The following DPYD variants were observed in gnomAD, a reference collection of about 807,000 sequenced individuals.
The protein encoded by DPYD is dihydropyrimidine dehydrogenase.
A neutral mutation model predicts 116.2 loss-of-function variants in DPYD; 109 were observed. That is an observed-to-expected ratio of 0.94 (90% CI 0.80 to 1.10). DPYD has a LOEUF of 1.10. Among genes scored for constraint, DPYD ranks in the 50% least tolerant of loss-of-function variants. The probability of loss-of-function intolerance (pLI) is 0.00; values close to 1 mark genes in which losing one functional copy is unlikely to be tolerated. For missense variants in DPYD, 1,302 were observed against 1,254.5 expected (o/e 1.04, Z -0.57); for synonymous variants, 440 against 432.0 (o/e 1.02, Z -0.23).
At chr1:97,656,807 A>G (rs1309801368) in intron 8 of DPYD, among the ~76,000 whole-genome samples, 2 of 150,634 alleles carry the variant, frequency 1.3e-5, no homozygotes, top group African/African-American at 5.0e-5. Context: ...CTCAATGCTT[A>G]GGAATTTTTT....
rs1467995953 is a variant in DPYD at position 97,740,073 on chromosome 1, GATCA to G, written c.321+315_321+318del. On this transcript the variant is annotated intron_variant, in intron 4 of 22. Transcript: ENST00000370192. ...TCACAAATCATAAATGTGTTTTGAT[GATCA>G]ATGACAGTTCTTGTCTATTAGTATT... Among the ~76,000 whole-genome samples, 10 of 152,190 alleles carry G rather than the reference GATCA, an allele frequency of 6.6e-5. No homozygotes were observed. In the South Asian group the frequency reaches 1.9e-3, roughly 28 times the overall value.
At chr1:97,448,679 A>G (rs1676227096) in intron 14 of DPYD, among the ~76,000 whole-genome samples, 1 of 151,112 alleles carries the variant, frequency 6.6e-6, no homozygotes, top group African/African-American at 2.4e-5. Context: ...GGGTCCTTTA[A>G]TAAACAAATA....
Position 97,399,455 on chromosome 1 carries a change from TTAAAG to T in DPYD, c.1906-16999_1906-16995del, listed in dbSNP as rs532651768. On this transcript the variant is annotated intron_variant, in intron 14 of 22. Coordinates refer to ENST00000370192, the MANE Select transcript of DPYD (RefSeq NM_000110.4). ...GCTCTTTTTTGGTTCCATATGAACT[TTAAAG>T]TAGTTTTTTTCCAATTCTGTGAAGA... 1.1e-3 allele frequency among the ~76,000 whole-genome samples: 170 copies of T among 152,290 alleles called. 2 individuals are homozygous for T. The East Asian group carries it at 0.031, about 28-fold the overall frequency.
chr1:97,335,581 A>G (rs76252209), intron 16 of DPYD, among the ~76,000 whole-genome samples: 9,737 of 152,184 alleles, frequency 0.064, 417 homozygotes, highest in African/African-American at 0.12. Flanking sequence ...ACAACTGAAT[A>G]CATAATCATC....
chr1:97,326,076 T>C (rs1356455314), intron 16 of DPYD, among the ~76,000 whole-genome samples: 3 of 151,794 alleles, frequency 2.0e-5, no homozygotes, highest in Non-Finnish European at 4.4e-5. Context: ...GTATGGCTAA[T>C]GTGAAACAAT....
intron 13 of DPYD, among the ~76,000 whole-genome samples, chr1:97,494,407 G>C (rs574782046): frequency 4.5e-4 from 69 of 152,142 alleles, no homozygotes; most frequent in Admixed American, 1.2e-3. Context: ...GAAAAGAGCT[G>C]ATAGCTGGTT....
intron 5 of DPYD, among the ~76,000 whole-genome samples, chr1:97,718,157 C>T (rs761457865): frequency 6.6e-5 from 10 of 152,002 alleles, no homozygotes; most frequent in Non-Finnish European, 1.0e-4. Context: ...AAATTATGAT[C>T]GTTCTTGCAG....
chr1:97,083,981 A>T (rs1281649793), intron 21 of DPYD, among the ~76,000 whole-genome samples: 4 of 152,042 alleles, frequency 2.6e-5, no homozygotes, highest in Non-Finnish European at 4.4e-5. Flanking sequence ...TGAATTTCTC[A>T]TTAATTTTAA....
intron 13 of DPYD, among the ~76,000 whole-genome samples, chr1:97,494,787 C>T (rs1374071258): frequency 6.6e-6 from 1 of 151,918 alleles, no homozygotes; most frequent in Non-Finnish European, 1.5e-5. Flanking sequence ...CATACGCACA[C>T]ACACACATAA....
At chr1:97,581,170 C>CAACAAAAAT (rs1653636973) in intron 10 of DPYD, among the ~76,000 whole-genome samples, 2 of 149,254 alleles carry the variant, frequency 1.3e-5, no homozygotes, top group African/African-American at 5.0e-5. Context: ...ACAACAACAA[C>CAACAAAAAT]AACAAAAATT....
chr1:97,400,360 A>T (rs900683830), intron 14 of DPYD, among the ~76,000 whole-genome samples: 11 of 152,100 alleles, frequency 7.2e-5, no homozygotes, highest in Non-Finnish European at 1.2e-4. Flanking sequence ...CCAGTATTTT[A>T]TTGAGGATTT....
At chr1:97,707,895 A>G (rs921988727) in intron 5 of DPYD, among the ~76,000 whole-genome samples, 4 of 152,064 alleles carry the variant, frequency 2.6e-5, no homozygotes, top group East Asian at 1.9e-4. Flanking sequence ...GACATTTTGC[A>G]TAACAGTTCT....
chr1:97,583,193 G>A (rs2485437), intron 10 of DPYD, among the ~76,000 whole-genome samples: 17,585 of 151,990 alleles, frequency 0.12, 1,123 homozygotes, highest in Middle Eastern at 0.14. Flanking sequence ...ATGGTCTCGA[G>A]CTCCTGACCT....
At chr1:97,655,000 TG>T (rs1004714094) in intron 8 of DPYD, among the ~76,000 whole-genome samples, 2 of 152,126 alleles carry the variant, frequency 1.3e-5, no homozygotes, top group African/African-American at 4.8e-5. Context: ...AAGAACAGTA[TG>T]GGGAAACCGC....
rs375490078 is a variant in DPYD at position 97,257,452 on chromosome 1, T to TATAG, written c.2300-22459_2300-22458insCTAT. Among the ~76,000 whole-genome samples, 1,078 of 126,430 alleles carry TATAG rather than the reference T, an allele frequency of 8.5e-3. 10 individuals are homozygous for TATAG. Among genetic ancestry groups the TATAG allele is most frequent in the Admixed American group, 9.8e-3 (122 of 12,436 alleles). 82.9% of individuals were successfully genotyped at this position (126,430 alleles called of 152,430 possible). The stretch of plus-strand genomic sequence containing the variant: ...ATACATACGTATATATATATATATA[T>TATAG]AGAGAGAGAGAAAGAGAGAGAGAGC... On this transcript the variant is annotated intron_variant, in intron 18 of 22. Coordinates refer to ENST00000370192, the MANE Select transcript of DPYD (RefSeq NM_000110.4).
chr1:97,440,258 C>T (rs1165236912), intron 14 of DPYD, among the ~76,000 whole-genome samples: 1 of 149,336 alleles, frequency 6.7e-6, no homozygotes, highest in Non-Finnish European at 1.5e-5. Context: ...AAGCAAAACT[C>T]CCTCTCAAAA....
intron 8 of DPYD, among the ~76,000 whole-genome samples, chr1:97,636,898 G>A (rs1008358041): frequency 6.6e-6 from 1 of 152,130 alleles, no homozygotes; most frequent in Non-Finnish European, 1.5e-5. Flanking sequence ...GAAATCCTGT[G>A]AGCATGGATG....
intron 11 of DPYD, among the ~76,000 whole-genome samples, chr1:97,564,013 G>T (rs561164043): frequency 6.6e-6 from 1 of 152,070 alleles, no homozygotes; most frequent in Non-Finnish European, 1.5e-5. Context: ...AACAATTTTT[G>T]AAACATGTAC....
intron 13 of DPYD, among the ~76,000 whole-genome samples, chr1:97,491,064 T>C (rs1260507314): frequency 6.7e-6 from 1 of 148,556 alleles, no homozygotes; most frequent in Non-Finnish European, 1.5e-5. Flanking sequence ...TCTAATGACT[T>C]AAAAATATTT....
Sources: allele counts gnomAD v4.1 joint callset (sites outside exome capture counted in the v4.1 genomes callset), GRCh38; gene constraint gnomAD v4.1.1; transcripts MANE v1.5; gene names NCBI Gene and HGNC (gene_info 2026-07-23, HGNC 2026-07-21).